SYT14: variants seen among roughly 807,000 people sequenced by gnomAD.
SYT14 encodes the protein synaptotagmin-14.
SYT14 carries 32 observed loss-of-function variants against 74.2 expected under a neutral mutation model. That is an observed-to-expected ratio of 0.43 (90% CI 0.33 to 0.58). The LOEUF is 0.58. Among genes scored for constraint, SYT14 ranks in the 20% least tolerant of loss-of-function variants. The pLI, the probability that SYT14 is intolerant of heterozygous loss-of-function variation, is 0.05. For missense variants in SYT14, 791 were observed against 981.8 expected (o/e 0.81, Z 2.60); for synonymous variants, 298 against 337.7 (o/e 0.88, Z 1.29).
intron 5 of SYT14, among the ~76,000 whole-genome samples, chr1:210,034,908 T>C (rs1384260348): frequency 6.6e-6 from 1 of 151,942 alleles, no homozygotes; most frequent in South Asian, 2.1e-4. Context: ...CATATTTTGC[T>C]ACTGTGAATA....
At chr1:210,088,305 C>T (rs527924821) in intron 5 of SYT14, among the ~76,000 whole-genome samples, 3 of 151,820 alleles carry the variant, frequency 2.0e-5, no homozygotes, top group East Asian at 3.9e-4. Flanking sequence ...ACTGATCAAC[C>T]GGTCATCTAC....
chr1:210,142,650 C>A (rs539936976), intron 7 of SYT14, among the ~76,000 whole-genome samples: 1 of 152,202 alleles, frequency 6.6e-6, no homozygotes, highest in Non-Finnish European at 1.5e-5. Flanking sequence ...AAAAAAGATA[C>A]AAGGCCAAAA....
At chr1:209,968,673 G>A (rs555027253) in intron 2 of SYT14, among the ~76,000 whole-genome samples, 1 of 150,660 alleles carries the variant, frequency 6.6e-6, no homozygotes, top group Admixed American at 6.6e-5. Flanking sequence ...CTTTTACTTA[G>A]TAATGTGGAT....
intron 1 of SYT14, among the ~76,000 whole-genome samples, chr1:209,949,571 CAA>C (rs34436607): frequency 7.3e-5 from 6 of 82,140 alleles, no homozygotes; most frequent in Non-Finnish European, 9.5e-5. Flanking sequence ...GACTCCGTCT[CAA>C]AAAAAAAAAA....
Position 210,101,131 on chromosome 1 carries a change from A to C in SYT14, c.2034+670A>C, listed in dbSNP as rs374136405. ...TTCATATTTTTAACTAAATTCCCAC[A>C]AGGCATTGCAAATCACAGGAGAGAA... is the stretch of plus-strand genomic sequence containing the variant. On this transcript the variant is annotated intron_variant, in intron 7 of 9. Coordinates refer to ENST00000637265, the Ensembl canonical transcript of SYT14. Among the ~76,000 whole-genome samples, 15 of 152,222 alleles carry C rather than the reference A, an allele frequency of 9.9e-5. No individual in the cohort carries two copies. In the East Asian group the frequency reaches 2.9e-3, roughly 29 times the overall value.
chr1:210,007,192 C>T (rs1202093375), intron 2 of SYT14, among the ~76,000 whole-genome samples: 1 of 151,582 alleles, frequency 6.6e-6, no homozygotes. Context: ...AAAGATATAA[C>T]TGCCAAAGCC....
chr1:209,953,822 C>G (rs2078950532), intron 2 of SYT14, among the ~76,000 whole-genome samples: 1 of 152,160 alleles, frequency 6.6e-6, no homozygotes, highest in Admixed American at 6.6e-5. Flanking sequence ...TACCTTTCCT[C>G]TAGTACCACA....
At chr1:210,096,951 C>T (rs2081976621) in intron 6 of SYT14, among the ~76,000 whole-genome samples, 2 of 152,212 alleles carry the variant, frequency 1.3e-5, no homozygotes, top group Non-Finnish European at 2.9e-5. Context: ...CTTCTTTACT[C>T]ACTATCTATA....
At chr1:209,965,603 G>A (rs1403595094) in intron 2 of SYT14, among the ~76,000 whole-genome samples, 1 of 152,130 alleles carries the variant, frequency 6.6e-6, no homozygotes, top group Non-Finnish European at 1.5e-5. Flanking sequence ...TTGAATGGTA[G>A]TTCTATTTTT....
At chr1:210,139,238 C>T (rs2082855610) in intron 7 of SYT14, among the ~76,000 whole-genome samples, 1 of 150,152 alleles carries the variant, frequency 6.7e-6, no homozygotes, top group Non-Finnish European at 1.5e-5. Context: ...ATGCGTGTAC[C>T]ACCAGGCCTG....
intron 9 of SYT14, 39 bp from the exon 9 acceptor site, chr1:210,160,690 C>A: frequency 6.3e-7 from 1 of 1,581,158 alleles, no homozygotes. Flanking sequence ...GAGTTTGTTT[C>A]AAATGATATT....
chr1:210,031,452 C>G (rs1281249421), intron 5 of SYT14, among the ~76,000 whole-genome samples: 1 of 152,060 alleles, frequency 6.6e-6, no homozygotes, highest in Non-Finnish European at 1.5e-5. Context: ...GAAATATTCA[C>G]TCTACTTCTC....
In SYT14 at chr1:210,001,334, T is replaced by C. The variant is rs149208961; in HGVS notation, c.-485-12299T>C. ...CTGTTGAAAGGATGTCTTGACTCCT[T>C]TACTTTGTTAGTGTGATGAATTCTA... is the stretch of plus-strand genomic sequence containing the variant. On this transcript the variant is annotated intron_variant, in intron 2 of 9. Transcript: ENST00000637265. Among the ~76,000 whole-genome samples the C allele has an allele frequency of 2.8e-3, 422 of 152,250 alleles. 2 individuals carry two copies. Among genetic ancestry groups the C allele is most frequent in the African/African-American group, 9.5e-3 (396 of 41,532 alleles).
intron 5 of SYT14, among the ~76,000 whole-genome samples, chr1:210,032,169 A>G (rs1182833366): frequency 6.6e-6 from 1 of 152,108 alleles, no homozygotes; most frequent in Non-Finnish European, 1.5e-5. Context: ...TAGATTAAGA[A>G]AGATTAAGTA....
intron 5 of SYT14, among the ~76,000 whole-genome samples, chr1:210,067,088 A>G (rs917254655): frequency 6.6e-6 from 1 of 152,008 alleles, no homozygotes; most frequent in Non-Finnish European, 1.5e-5. Context: ...TGGCCTTGGC[A>G]CCCTTATCAG....
At chr1:210,097,887 C>T (rs1466513201) in intron 6 of SYT14, among the ~76,000 whole-genome samples, 2 of 152,114 alleles carry the variant, frequency 1.3e-5, no homozygotes, top group Middle Eastern at 3.4e-3. Flanking sequence ...TTTATAAGAT[C>T]AAGGACTAAC....
At chr1:210,002,763 A>G (rs2079924104) in intron 2 of SYT14, among the ~76,000 whole-genome samples, 1 of 152,052 alleles carries the variant, frequency 6.6e-6, no homozygotes. Flanking sequence ...CCTGATCAGG[A>G]CTTTGCCCAT....
chr1:210,073,703 T>C (rs1048003887), intron 5 of SYT14, among the ~76,000 whole-genome samples: 2 of 152,060 alleles, frequency 1.3e-5, no homozygotes, highest in African/African-American at 4.8e-5. Context: ...GTTTTTGTTT[T>C]TTTTTGTCTT....
intron 7 of SYT14, among the ~76,000 whole-genome samples, chr1:210,155,368 G>A (rs1484723441): frequency 6.6e-6 from 1 of 152,144 alleles, no homozygotes; most frequent in Non-Finnish European, 1.5e-5. Flanking sequence ...GATGTATTGA[G>A]TCTAAATCTT....
Sources: gnomAD v4.1 joint callset for allele counts (sites outside exome capture counted in the v4.1 genomes callset) on GRCh38, gnomAD v4.1.1 for gene constraint, MANE v1.5 for transcripts, NCBI Gene and HGNC (gene_info 2026-07-23, HGNC 2026-07-21) for gene names.